Variants in MALAT1 observed in about 807,000 individuals in gnomAD.
MALAT1 encodes hepcarcin.
At position 65,501,507 on chromosome 11, in the gene MALAT1, T is replaced by C. The variant is rs191618832; in HGVS notation, n.2770T>C. 6.0e-5 allele frequency: 31 copies of C among 518,456 alleles called. No homozygotes were observed. The East Asian group carries it at 1.4e-3, about 23-fold the overall frequency. 32.1% of individuals were successfully genotyped at this position (518,456 alleles called of 1,614,324 possible). A position where few individuals can be genotyped will look rare whatever the true frequency, so the allele number is the denominator to read the frequency against. On this transcript the variant is annotated non_coding_transcript_exon_variant, in exon 3 of 4. Transcript: ENST00000619449. ...AGTGCTTAACCCCTTAAACTTGTTA[T>C]TTTTTACTTGAAGCATTTTGGGATG...
intron 3 of MALAT1, chr11:65,504,178 ATGAGTGCT>A (rs1170823814): frequency 1.9e-6 from 1 of 516,480 alleles, no homozygotes; most frequent in Admixed American, 2.0e-5. Flanking sequence ...TGAATTGCAT[ATGAGTGCT>A]TGGCTCTTCC....
chr11:65,506,149 A>G (rs751610997), intron 3 of MALAT1: 1 of 409,368 alleles, frequency 2.4e-6, no homozygotes, highest in East Asian at 6.6e-5. Flanking sequence ...GGTTTCCAGG[A>G]CGGGGTTCAA....
exon 3 of MALAT1, chr11:65,499,585 A>G (rs1854492266): frequency 2.2e-6 from 1 of 453,414 alleles, no homozygotes; most frequent in African/African-American, 2.0e-5. Flanking sequence ...CGCATTTACT[A>G]AACGCAGACG....
intron 3 of MALAT1, chr11:65,504,921 TGTG>T (rs755461092): frequency 1.5e-5 from 8 of 518,840 alleles, no homozygotes; most frequent in Non-Finnish European, 7.7e-6. Context: ...CCATTTTAAA[TGTG>T]GGGATTGGGA....
chr11:65,499,915 C>T (rs1243596982), exon 3 of MALAT1: 1 of 434,760 alleles, frequency 2.3e-6, no homozygotes, highest in Non-Finnish European at 4.5e-6. Flanking sequence ...GAAAAACAAG[C>T]TAAGACAAGT....
chr11:65,503,848 T>G (rs1364905312), exon 3 of MALAT1: 1 of 518,180 alleles, frequency 1.9e-6, no homozygotes, highest in African/African-American at 1.9e-5. Flanking sequence ...CATATAATAA[T>G]TCCAGGCACA....
At chr11:65,502,562 A>G (rs781155119) in exon 3 of MALAT1, 3 of 484,174 alleles carry the variant, frequency 6.2e-6, no homozygotes, top group Non-Finnish European at 1.2e-5. Context: ...AAGAATTGTG[A>G]TAGTTCAGCT....
exon 3 of MALAT1, chr11:65,502,863 C>G (rs544964877): frequency 2.6e-5 from 13 of 494,620 alleles, no homozygotes; most frequent in Non-Finnish European, 5.2e-5. Context: ...TTTAAAGTTA[C>G]GGAATCTACC....
intron 3 of MALAT1, chr11:65,505,241 C>T (rs755339159): frequency 3.9e-6 from 2 of 518,204 alleles, no homozygotes; most frequent in Admixed American, 3.9e-5. Flanking sequence ...TGGAGCCTTC[C>T]TGTGGCAGGA....
chr11:65,501,989 T>C lies in MALAT1; in HGVS notation n.3252T>C, dbSNP rs145769549. 3.3e-3 allele frequency: 1,693 copies of C among 512,808 alleles called. 9 individuals are homozygous for C. The highest frequency in any genetic ancestry group is 8.6e-3 in the Middle Eastern group (27 of 3,126). The allele number at this position is 512,808 out of a possible 1,614,324, so 31.8% of individuals were successfully genotyped here. A position where few individuals can be genotyped will look rare whatever the true frequency, so the allele number is the denominator to read the frequency against. On this transcript the variant is annotated non_coding_transcript_exon_variant, in exon 3 of 4. Transcript: ENST00000619449. The stretch of plus-strand genomic sequence containing the variant: ...TTAGAATGGAAAAAGTAAAGAAATA[T>C]CAACTTCCAAGTTGGCAAGTAACTC...
exon 3 of MALAT1, chr11:65,499,448 GT>G: frequency 2.1e-6 from 1 of 471,892 alleles, no homozygotes; most frequent in South Asian, 1.5e-5. Context: ...TTAAAGTTTA[GT>G]TTAAAAGTTG....
At chr11:65,502,710 T>C (rs1854578725) in exon 3 of MALAT1, 1 of 510,902 alleles carries the variant, frequency 2.0e-6, no homozygotes, top group Admixed American at 2.0e-5. Context: ...AGAAAACAGC[T>C]CCTTGGTGAA....
chr11:65,503,102 T>A, exon 3 of MALAT1: 1 of 509,518 alleles, frequency 2.0e-6, no homozygotes. Flanking sequence ...TGTGCCAATG[T>A]TTCGTTTGCC....
exon 3 of MALAT1, chr11:65,500,674 A>G (rs778052335): frequency 3.9e-6 from 2 of 518,980 alleles, no homozygotes; most frequent in Middle Eastern, 6.4e-4. Flanking sequence ...TGGCTTGGCA[A>G]CCACACGGAG....
At chr11:65,502,811 T>A (rs970059418) in exon 3 of MALAT1, 3 of 511,782 alleles carry the variant, frequency 5.9e-6, no homozygotes, top group Non-Finnish European at 1.2e-5. Flanking sequence ...GAGAACATTA[T>A]CTGCATATGC....
chr11:65,504,910 T>TC (rs1322285875), intron 3 of MALAT1: 1 of 518,876 alleles, frequency 1.9e-6, no homozygotes, highest in Non-Finnish European at 3.8e-6. Context: ...AACCAAACAT[T>TC]CCATTTTAAA....
chr11:65,499,436 G>T, exon 3 of MALAT1: 1 of 474,578 alleles, frequency 2.1e-6, no homozygotes. Flanking sequence ...GACTTAAACA[G>T]CTTAAAGTTT....
At chr11:65,501,191 G>A (rs1377695387) in exon 3 of MALAT1, 2 of 506,604 alleles carry the variant, frequency 3.9e-6, no homozygotes, top group Non-Finnish European at 3.9e-6. Context: ...GTAGAGTTTG[G>A]ATGTGTAACT....
chr11:65,499,068 G>A, exon 3 of MALAT1: 1 of 518,082 alleles, frequency 1.9e-6, no homozygotes, highest in Non-Finnish European at 3.9e-6. Flanking sequence ...GCCAGCGCAG[G>A]GGCTTCTGCT....
Sources: allele counts gnomAD v4.1 joint callset, GRCh38; gene constraint gnomAD v4.1.1; transcripts MANE v1.5; gene names NCBI Gene and HGNC (gene_info 2026-07-23, HGNC 2026-07-21).